Variants in SNTG1 observed in about 807,000 individuals in gnomAD.
SNTG1 encodes syntrophin gamma 1, also known as gamma-1-syntrophin.
In SNTG1, 39 loss-of-function variants were observed where a neutral mutation model predicts 74.7. That is an observed-to-expected ratio of 0.52 (90% CI 0.40 to 0.68). The LOEUF is 0.68. Ranked by LOEUF, SNTG1 falls within the 30% of genes least tolerant of loss-of-function variation. SNTG1 has a pLI of 0.00. For synonymous variants in SNTG1, 254 were observed against 217.1 expected (o/e 1.17, Z -1.49); for missense variants, 685 against 609.5 (o/e 1.12, Z -1.30).
intron 15 of SNTG1, among the ~76,000 whole-genome samples, chr8:50,689,101 G>T (rs1329341116): frequency 2.2e-4 from 22 of 99,942 alleles, no homozygotes; most frequent in Non-Finnish European, 1.9e-4. Flanking sequence ...CATTGATTTT[G>T]TATCCTGAGA....
chr8:50,347,779 C>A lies in SNTG1; in HGVS notation c.-27-46433C>A, dbSNP rs563776331. On this transcript the variant is annotated intron_variant, in intron 2 of 18. Coordinates refer to ENST00000642720, the MANE Select transcript of SNTG1 (RefSeq NM_018967.5). ...ATTCATTCATTGCAAGAAAGTATGA[C>A]GTTATGAGTCTTTCAAGGAACTTTC... Among the ~76,000 whole-genome samples, 7 of 152,202 alleles carry A rather than the reference C, an allele frequency of 4.6e-5. 1 individual carries two copies. The highest frequency in any genetic ancestry group is 1.4e-4 in the African/African-American group (6 of 41,522).
intron 8 of SNTG1, among the ~76,000 whole-genome samples, chr8:50,476,767 T>C (rs1309893008): frequency 1.3e-5 from 2 of 152,070 alleles, no homozygotes; most frequent in African/African-American, 4.8e-5. Flanking sequence ...TACCTAGATC[T>C]TGGTATCTAA....
At chr8:50,110,535 A>G (rs1586317931) in intron 1 of SNTG1, among the ~76,000 whole-genome samples, 1 of 152,132 alleles carries the variant, frequency 6.6e-6, no homozygotes, top group Non-Finnish European at 1.5e-5. Context: ...TGGTCTCTAT[A>G]ACCCTGAACC....
intron 15 of SNTG1, among the ~76,000 whole-genome samples, chr8:50,687,578 TTTA>T (rs144773390): frequency 0.022 from 3,293 of 152,312 alleles, 102 homozygotes; most frequent in African/African-American, 0.071. Context: ...ACGTTCTTTT[TTTA>T]TTATTATAAT....
At chr8:50,699,230 G>T (rs1232496676) in intron 15 of SNTG1, among the ~76,000 whole-genome samples, 4 of 152,056 alleles carry the variant, frequency 2.6e-5, no homozygotes, top group Middle Eastern at 6.8e-3. Flanking sequence ...AAAAAGTCTG[G>T]GTAGGCAATG....
intron 1 of SNTG1, among the ~76,000 whole-genome samples, chr8:50,037,270 A>G (rs1818245691): frequency 6.6e-6 from 1 of 152,240 alleles, no homozygotes; most frequent in Non-Finnish European, 1.5e-5. Flanking sequence ...CTGAGTCTAT[A>G]GTAAACCAGT....
chr8:50,051,030 C>T (rs1440415736), intron 1 of SNTG1, among the ~76,000 whole-genome samples: 2 of 151,938 alleles, frequency 1.3e-5, no homozygotes, highest in Non-Finnish European at 2.9e-5. Context: ...AAATCCACAT[C>T]TAATTCATCC....
At chr8:50,195,846 T>A (rs1259369846) in intron 2 of SNTG1, among the ~76,000 whole-genome samples, 1 of 152,146 alleles carries the variant, frequency 6.6e-6, no homozygotes, top group Non-Finnish European at 1.5e-5. Context: ...CTCAGGGCTG[T>A]TGGTTTGTTC....
chr8:50,026,607 C>T (rs1367433749), intron 1 of SNTG1, among the ~76,000 whole-genome samples: 6 of 152,004 alleles, frequency 3.9e-5, no homozygotes, highest in Admixed American at 3.9e-4. Flanking sequence ...CCAAAACCAA[C>T]CATACATTTA....
chr8:50,334,935 G>A (rs932435141), intron 2 of SNTG1, among the ~76,000 whole-genome samples: 1 of 152,152 alleles, frequency 6.6e-6, no homozygotes, highest in Non-Finnish European at 1.5e-5. Context: ...ATGTGTTCAT[G>A]CCCAACTCTT....
intron 2 of SNTG1, among the ~76,000 whole-genome samples, chr8:50,217,010 T>A (rs976911063): frequency 6.6e-6 from 1 of 151,180 alleles, no homozygotes; most frequent in East Asian, 1.9e-4. Context: ...ATTTATAAAA[T>A]ATATATATAT....
intron 5 of SNTG1, among the ~76,000 whole-genome samples, chr8:50,447,233 A>C (rs1417260128): frequency 6.6e-6 from 1 of 152,202 alleles, no homozygotes; most frequent in Non-Finnish European, 1.5e-5. Flanking sequence ...ATGTCTTGCC[A>C]TGGTAATTTG....
intron 13 of SNTG1, among the ~76,000 whole-genome samples, chr8:50,605,481 C>A (rs1351373991): frequency 6.6e-6 from 1 of 152,142 alleles, no homozygotes; most frequent in East Asian, 1.9e-4. Flanking sequence ...GGGCAGGAAC[C>A]AGCTGAGCAA....
At chr8:50,445,358 T>G (rs1212105067) in intron 5 of SNTG1, among the ~76,000 whole-genome samples, 1 of 152,182 alleles carries the variant, frequency 6.6e-6, no homozygotes, top group East Asian at 1.9e-4. Flanking sequence ...TCTATGCATC[T>G]TCCCTGCACC....
intron 1 of SNTG1, among the ~76,000 whole-genome samples, chr8:49,913,187 A>C (rs1411203689): frequency 3.9e-5 from 6 of 152,296 alleles, no homozygotes; most frequent in Non-Finnish European, 8.8e-5. Context: ...CAATGAGTAC[A>C]TTCAGTTCAG....
chr8:50,450,750 T>C (rs1490388445), intron 8 of SNTG1, 21 bp downstream of exon 8: 1 of 1,610,204 alleles, frequency 6.2e-7, no homozygotes, highest in South Asian at 1.1e-5. Context: ...TTTTTCCTAA[T>C]GTCATAGTTT....
chr8:50,270,579 G>C (rs2087725818), intron 2 of SNTG1, among the ~76,000 whole-genome samples: 1 of 149,254 alleles, frequency 6.7e-6, no homozygotes, highest in Admixed American at 6.7e-5. Context: ...GAAGGAACTA[G>C]GTTGATAAGC....
intron 17 of SNTG1, among the ~76,000 whole-genome samples, chr8:50,718,033 A>G (rs535276256): frequency 4.6e-5 from 7 of 152,282 alleles, no homozygotes; most frequent in East Asian, 3.9e-4. Context: ...TTTTAGCCCA[A>G]TGAAGATTGA....
intron 9 of SNTG1, among the ~76,000 whole-genome samples, chr8:50,524,258 T>C (rs79210559): frequency 0.037 from 5,693 of 152,148 alleles, 371 homozygotes; most frequent in African/African-American, 0.13. Flanking sequence ...CCCCACCTTC[T>C]ATACCATATA....
Sources: gnomAD v4.1 joint callset for allele counts (sites outside exome capture counted in the v4.1 genomes callset) on GRCh38, gnomAD v4.1.1 for gene constraint, MANE v1.5 for transcripts, NCBI Gene and HGNC (gene_info 2026-07-23, HGNC 2026-07-21) for gene names.